Variants in EPHA6 observed in about 807,000 individuals in gnomAD.
The protein encoded by EPHA6 is EPH receptor A6.
A neutral mutation model predicts 112.0 loss-of-function variants in EPHA6; 50 were observed. That is an observed-to-expected ratio of 0.45 (90% CI 0.36 to 0.56). The LOEUF (loss-of-function observed/expected upper bound fraction) is 0.56. Among genes scored for constraint, EPHA6 ranks in the 20% least tolerant of loss-of-function variants. EPHA6 has a pLI of 0.00. For missense variants in EPHA6, 1,280 were observed against 1,417.4 expected (o/e 0.90, Z 1.56); for synonymous variants, 529 against 490.7 (o/e 1.08, Z -1.03).
chr3:97,401,641 G>A (rs1042096217), intron 5 of EPHA6, among the ~76,000 whole-genome samples: 2 of 151,282 alleles, frequency 1.3e-5, no homozygotes, highest in African/African-American at 4.8e-5. Flanking sequence ...TTGATGTTTT[G>A]TATTATTTCA....
chr3:97,250,377 C>T (rs140007543), intron 5 of EPHA6, among the ~76,000 whole-genome samples: 3 of 152,222 alleles, frequency 2.0e-5, no homozygotes, highest in South Asian at 2.1e-4. Context: ...CTTTTAGAGT[C>T]GTCAGCTGTG....
intron 2 of EPHA6, among the ~76,000 whole-genome samples, chr3:96,938,874 T>C (rs1170512804): frequency 1.3e-5 from 2 of 152,238 alleles, no homozygotes; most frequent in Non-Finnish European, 2.9e-5. Flanking sequence ...AATGTGGTTT[T>C]TGTCTTTGGT....
At chr3:97,410,105 A>C (rs1389661831) in intron 6 of EPHA6, among the ~76,000 whole-genome samples, 1 of 152,102 alleles carries the variant, frequency 6.6e-6, no homozygotes, top group Non-Finnish European at 1.5e-5. Flanking sequence ...TTTTAAAAGA[A>C]GGTTGAAGTC....
chr3:97,296,945 G>C (rs80165035), intron 5 of EPHA6, among the ~76,000 whole-genome samples: 3,265 of 152,244 alleles, frequency 0.021, 87 homozygotes, highest in African/African-American at 0.067. Context: ...TGGAAAAGCA[G>C]GGTCTATTGG....
At chr3:97,313,844 C>T (rs563785205) in intron 5 of EPHA6, among the ~76,000 whole-genome samples, 5 of 151,550 alleles carry the variant, frequency 3.3e-5, no homozygotes, top group South Asian at 2.1e-4. Context: ...TCACTCTATT[C>T]GTTATTTCCT....
At chr3:97,616,633 T>C (rs571618947) in intron 13 of EPHA6, among the ~76,000 whole-genome samples, 105 of 152,196 alleles carry the variant, frequency 6.9e-4, no homozygotes, top group African/African-American at 2.4e-3. Flanking sequence ...TTTCATAATG[T>C]AATCACAAGT....
At chr3:96,946,064 A>G (rs754727813) in intron 2 of EPHA6, among the ~76,000 whole-genome samples, 2 of 152,110 alleles carry the variant, frequency 1.3e-5, no homozygotes, top group Non-Finnish European at 2.9e-5. Flanking sequence ...TTTCTAGAAT[A>G]TTATGTAGTT....
intron 12 of EPHA6, among the ~76,000 whole-genome samples, chr3:97,595,822 T>G (rs909808849): frequency 1.3e-5 from 2 of 151,942 alleles, no homozygotes; most frequent in African/African-American, 2.4e-5. Context: ...TCCTCCACTA[T>G]ATTTATTACT....
At chr3:96,907,256 A>G (rs1407510837) in intron 2 of EPHA6, among the ~76,000 whole-genome samples, 1 of 151,636 alleles carries the variant, frequency 6.6e-6, no homozygotes, top group Non-Finnish European at 1.5e-5. Context: ...GTAGTCATTT[A>G]TTTTCTTATT....
At chr3:97,503,232 G>GT (rs1449327702) in intron 10 of EPHA6, among the ~76,000 whole-genome samples, 7 of 152,108 alleles carry the variant, frequency 4.6e-5, no homozygotes, top group African/African-American at 1.2e-4. Flanking sequence ...TTGTGTCAGT[G>GT]TTTTTCCCTG....
intron 14 of EPHA6, among the ~76,000 whole-genome samples, chr3:97,717,877 A>G (rs1251928111): frequency 6.6e-6 from 1 of 152,242 alleles, no homozygotes; most frequent in Non-Finnish European, 1.5e-5. Flanking sequence ...TATGTGAATA[A>G]TTTATATGAA....
chr3:96,839,431 C>T (rs1403529875), intron 1 of EPHA6, among the ~76,000 whole-genome samples: 1 of 152,052 alleles, frequency 6.6e-6, no homozygotes, highest in African/African-American at 2.4e-5. Context: ...CTGCTTCCAG[C>T]CCCACATCTG....
rs779740582 is a variant in EPHA6, at chr3:97,030,646, T to C, written c.1114+42653T>C. Among the ~76,000 whole-genome samples, 224 of 152,012 alleles carry C rather than the reference T, an allele frequency of 1.5e-3. 1 individual carries two copies. The highest frequency in any genetic ancestry group is 2.9e-3 in the Non-Finnish European group (198 of 67,972). Reference sequence around the variant, plus strand: ...TAGAGATGTGTGTGGTGCATAATTATTACCTCATAAATTACTCCACTAAAT... The same window carrying C: ...TAGAGATGTGTGTGGTGCATAATTACTACCTCATAAATTACTCCACTAAAT... On this transcript the variant is annotated intron_variant, in intron 3 of 17. Transcript: ENST00000389672.
chr3:97,405,099 A>G (rs774409943), intron 5 of EPHA6, 51 bp from the exon 6 acceptor site: 43 of 1,540,422 alleles, frequency 2.8e-5, no homozygotes, highest in Non-Finnish European at 3.8e-5. Context: ...AGAAAGGATA[A>G]TGGAAAATGA....
intron 1 of EPHA6, among the ~76,000 whole-genome samples, chr3:96,824,150 A>G (rs1458554571): frequency 7.2e-6 from 1 of 139,828 alleles, no homozygotes; most frequent in East Asian, 2.1e-4. Flanking sequence ...AATATTGACT[A>G]CTTTACGACC....
Position 97,199,305 on chromosome 3 carries a change from A to T in EPHA6, c.1115-26959A>T, listed in dbSNP as rs527869532. Among the ~76,000 whole-genome samples, 12 of 152,218 alleles carry T rather than the reference A, an allele frequency of 7.9e-5. No homozygotes were observed. The South Asian group carries it at 2.5e-3, about 32-fold the overall frequency. ...CAATTTCCTGGGCATGATTTTTCTT[A>T]CTTTTATTCATAAAGGTAAGAATGC... On this transcript the variant is annotated intron_variant, in intron 3 of 17. Coordinates refer to ENST00000389672, the MANE Select transcript of EPHA6 (RefSeq NM_001080448.3).
At chr3:96,819,302 TA>T (rs1330428176) in intron 1 of EPHA6, among the ~76,000 whole-genome samples, 1 of 152,078 alleles carries the variant, frequency 6.6e-6, no homozygotes, top group Non-Finnish European at 1.5e-5. Flanking sequence ...AAATAAGTAT[TA>T]AAAAATATTA....
chr3:97,487,501 G>A (rs1294063106), intron 10 of EPHA6, among the ~76,000 whole-genome samples: 1 of 152,132 alleles, frequency 6.6e-6, no homozygotes, highest in Non-Finnish European at 1.5e-5. Context: ...ATGCTCATTA[G>A]AGATACATGT....
chr3:97,308,752 T>C lies in EPHA6; in HGVS notation c.1606+64465T>C, dbSNP rs915709388. On this transcript the variant is annotated intron_variant, in intron 5 of 17. Transcript: ENST00000389672. ...TGAATGTCTAACAAACCTACTGTAA[T>C]ATTAGTAAGTTATAGATAGCAATTA... is the stretch of plus-strand genomic sequence containing the variant. 2.6e-5 allele frequency among the ~76,000 whole-genome samples: 4 copies of C among 151,792 alleles called. No individual in the cohort carries two copies. In the East Asian group the frequency reaches 7.7e-4, roughly 29 times the overall value.
Sources: gnomAD v4.1 joint callset for allele counts (sites outside exome capture counted in the v4.1 genomes callset) on GRCh38, gnomAD v4.1.1 for gene constraint, MANE v1.5 for transcripts, NCBI Gene and HGNC (gene_info 2026-07-23, HGNC 2026-07-21) for gene names.